BMAL2: variants seen among roughly 807,000 people sequenced by gnomAD.
BMAL2 encodes basic helix-loop-helix ARNT-like protein 2.
the BMAL2 span, among the ~76,000 whole-genome samples, chr12:27,363,032 TG>T: frequency 6.6e-6 from 1 of 152,196 alleles, no homozygotes; most frequent in African/African-American, 2.4e-5. Flanking sequence ...CTCAAACTTC[TG>T]GCCTTACGTG....
the BMAL2 span, chr12:27,376,331 C>T: frequency 2.5e-6 from 4 of 1,611,010 alleles, no homozygotes; most frequent in Admixed American, 6.7e-5. Context: ...GATATTTTAT[C>T]CTGCTTTTTT....
the BMAL2 span, among the ~76,000 whole-genome samples, chr12:27,402,128 C>G: frequency 6.6e-6 from 1 of 152,152 alleles, no homozygotes; most frequent in Non-Finnish European, 1.5e-5. Flanking sequence ...TTAGCAAGCT[C>G]TGGTCTGTAG....
At chr12:27,338,182 A>T in the BMAL2 span, among the ~76,000 whole-genome samples, 3 of 152,248 alleles carry the variant, frequency 2.0e-5, no homozygotes, top group Admixed American at 6.5e-5. Flanking sequence ...TAAAGGACCC[A>T]TTAAATACGC....
At chr12:27,394,515 A>G in the BMAL2 span, 8 of 152,292 alleles carry the variant, frequency 5.3e-5, no homozygotes, top group African/African-American at 1.2e-4. Context: ...ATAAGTGACA[A>G]TCCTCTTGTC....
the BMAL2 span, chr12:27,403,481 C>T: frequency 1.2e-6 from 2 of 1,611,808 alleles, no homozygotes; most frequent in Non-Finnish European, 1.7e-6. Flanking sequence ...TCTACTGGAA[C>T]AGTACTTGGT....
chr12:27,410,771 A>G, the BMAL2 span, among the ~76,000 whole-genome samples: 2 of 152,168 alleles, frequency 1.3e-5, no homozygotes, highest in African/African-American at 4.8e-5. Context: ...TTTTAAAAAT[A>G]AAATAAAACT....
the BMAL2 span, among the ~76,000 whole-genome samples, chr12:27,402,258 T>C: frequency 6.6e-6 from 1 of 152,114 alleles, no homozygotes; most frequent in African/African-American, 2.4e-5. Context: ...AAGGTTTCCT[T>C]GAACCAGTTA....
chr12:27,397,992 C>G, the BMAL2 span, among the ~76,000 whole-genome samples: 2 of 152,208 alleles, frequency 1.3e-5, no homozygotes, highest in Admixed American at 1.3e-4. Flanking sequence ...CGGGACTCTC[C>G]GCCTGATCTC....
chr12:27,372,857 T>C, the BMAL2 span, among the ~76,000 whole-genome samples: 1 of 152,076 alleles, frequency 6.6e-6, no homozygotes, highest in African/African-American at 2.4e-5. Context: ...GTATTATTAG[T>C]AGAGACGGGA....
the BMAL2 span, chr12:27,400,806 TC>T: frequency 5.8e-6 from 9 of 1,550,104 alleles, no homozygotes; most frequent in Non-Finnish European, 7.9e-6. Flanking sequence ...TGATTAGAAT[TC>T]AATGGGATAT....
the BMAL2 span, among the ~76,000 whole-genome samples, chr12:27,395,663 T>G: frequency 4.6e-5 from 7 of 152,310 alleles, no homozygotes; most frequent in African/African-American, 1.7e-4. Flanking sequence ...TTTACACATT[T>G]ATAGAAGAGG....
At chr12:27,355,463 A>G in the BMAL2 span, among the ~76,000 whole-genome samples, 1 of 152,240 alleles carries the variant, frequency 6.6e-6, no homozygotes, top group African/African-American at 2.4e-5. Context: ...ATTTCCAAGT[A>G]TTCCATCCAC....
chr12:27,370,888 G>A, the BMAL2 span, among the ~76,000 whole-genome samples: 1 of 152,008 alleles, frequency 6.6e-6, no homozygotes, highest in Non-Finnish European at 1.5e-5. Context: ...ATAGGCATAA[G>A]CCACCGCACC....
the BMAL2 span, among the ~76,000 whole-genome samples, chr12:27,359,015 A>G: frequency 6.8e-6 from 1 of 147,860 alleles, no homozygotes; most frequent in Admixed American, 6.6e-5. Flanking sequence ...AAGCAACAGT[A>G]TTTGGTTTCC....
chr12:27,390,881 G>T, the BMAL2 span, among the ~76,000 whole-genome samples: 1 of 152,004 alleles, frequency 6.6e-6, no homozygotes, highest in Non-Finnish European at 1.5e-5. Flanking sequence ...TTTTAACATG[G>T]GATTTGCCTT....
At chr12:27,396,488 C>A in the BMAL2 span, among the ~76,000 whole-genome samples, 2 of 152,206 alleles carry the variant, frequency 1.3e-5, no homozygotes, top group Non-Finnish European at 2.9e-5. Context: ...AGCAATCTGG[C>A]TTTAAAATCT....
At chr12:27,351,613 T>G in the BMAL2 span, among the ~76,000 whole-genome samples, 1 of 152,196 alleles carries the variant, frequency 6.6e-6, no homozygotes, top group Non-Finnish European at 1.5e-5. Context: ...GATCCCTACG[T>G]AGGGACAGCC....
At chr12:27,415,350 CTG>C in the BMAL2 span, among the ~76,000 whole-genome samples, 1 of 152,166 alleles carries the variant, frequency 6.6e-6, no homozygotes, top group African/African-American at 2.4e-5. Flanking sequence ...TCAATGTCAA[CTG>C]CCTTCTTGGG....
the BMAL2 span, among the ~76,000 whole-genome samples, chr12:27,408,147 C>T: frequency 1.4e-4 from 22 of 152,006 alleles, no homozygotes; most frequent in African/African-American, 9.7e-5. Context: ...GATTCACAGC[C>T]GAATTCTACC....
Sources: gnomAD v4.1 joint callset for allele counts (sites outside exome capture counted in the v4.1 genomes callset) on GRCh38, gnomAD v4.1.1 for gene constraint, MANE v1.5 for transcripts, NCBI Gene and HGNC (gene_info 2026-07-23, HGNC 2026-07-21) for gene names.